OR5V1: variants seen among roughly 807,000 people sequenced by gnomAD.
OR5V1 encodes the protein olfactory receptor family 5 subfamily V member 1, also known as olfactory receptor 5V1.
For synonymous variants in OR5V1, 134 were observed against 143.2 expected (o/e 0.94, Z 0.46); for missense variants, 365 against 371.5 (o/e 0.98, Z 0.14).
intron 1 of OR5V1, 132 bp from the exon 2 acceptor site, chr6:29,356,409 T>A: frequency 2.0e-6 from 1 of 508,136 alleles, no homozygotes; most frequent in South Asian, 3.7e-5. Context: ...ATCCAATGTT[T>A]CACCTGCAGA....
chr6:29,365,820 T>C (rs867600636), intron 1 of OR5V1, among the ~76,000 whole-genome samples: 1 of 152,154 alleles, frequency 6.6e-6, no homozygotes, highest in South Asian at 2.1e-4. Context: ...ACCCAAAGGA[T>C]TATAAATCAT....
chr6:29,355,554 G>A lies in OR5V1; in HGVS notation c.642C>T (p.Ile214=), dbSNP rs1328131850. 5.0e-6 allele frequency: 8 copies of A among 1,613,862 alleles called. No homozygotes were observed. Among genetic ancestry groups the A allele is most frequent in the African/African-American group, 2.7e-5 (2 of 74,916 alleles). The change falls in exon 2 of 2, where the codon ATC becomes ATT. Residue 214 remains isoleucine, a synonymous_variant. Transcript: ENST00000641768. ...VFIGWTPFLC[I]VLSYICIIST... The stretch of plus-strand genomic sequence containing the variant: ...AGATTATGCAAATGTAGGAAAGTAC[G>A]ATACAAAGGAAAGGAGTCCAACCAA...
chr6:29,363,041 T>C (rs1778648416), intron 1 of OR5V1, among the ~76,000 whole-genome samples: 1 of 151,918 alleles, frequency 6.6e-6, no homozygotes, highest in Non-Finnish European at 1.5e-5. Context: ...ACAAAAGAGA[T>C]AGACTGCTAG....
intron 1 of OR5V1, among the ~76,000 whole-genome samples, chr6:29,366,292 C>G (rs1399057253): frequency 1.5e-5 from 2 of 133,724 alleles, no homozygotes; most frequent in Non-Finnish European, 3.1e-5. Flanking sequence ...GCACATTCTG[C>G]ATATGTATCC....
chr6:29,358,618 G>A (rs1778424926), intron 1 of OR5V1, among the ~76,000 whole-genome samples: 1 of 152,118 alleles, frequency 6.6e-6, no homozygotes, highest in Non-Finnish European at 1.5e-5. Flanking sequence ...ATACTATGCA[G>A]CCTTTAAAAA....
chr6:29,355,875 A>G lies in OR5V1; in HGVS notation c.321T>C (p.Phe107=), dbSNP rs374535679. The G allele has an allele frequency of 3.1e-5, 50 of 1,613,956 alleles. No individual in the cohort carries two copies. The African/African-American group carries it at 5.6e-4, about 18-fold the overall frequency. The change falls in exon 2 of 2, where the codon TTT becomes TTC. Residue 107 remains phenylalanine, a synonymous_variant. Coordinates refer to ENST00000641768, the MANE Select transcript of OR5V1 (RefSeq NM_030876.6). ...CCAGTAGGAGACACTCTGATCCTAC[A>G]AAGAAAACAAATGCAAAAAGTTGAA... ...CVVQLFAFVF[F]VGSECLLLAA...
chr6:29,355,454 CAA>C lies in OR5V1; in HGVS notation c.740_741del (p.Ile247SerfsTer25), dbSNP rs990157429. On this transcript the variant is annotated frameshift_variant, in exon 2 of 2. Transcript: ENST00000641768. LOFTEE classifies it low-confidence loss of function (END_TRUNC). ...ATGGCGCTGCCATAAAAGAGAAAGACAATGGCCAGGTGGGAGGCACATGTAGA... is the reference window on the plus strand; with the variant it reads ...ATGGCGCTGCCATAAAAGAGAAAGACTGGCCAGGTGGGAGGCACATGTAGA... ...AFSTCASHLA[I>X]VFLFYGSAIF... The C allele has an allele frequency of 5.6e-6, 9 of 1,613,892 alleles. No homozygotes were observed. Among genetic ancestry groups the C allele is most frequent in the Non-Finnish European group, 7.6e-6 (9 of 1,179,942 alleles).
chr6:29,363,510 A>C (rs1326631708), intron 1 of OR5V1, among the ~76,000 whole-genome samples: 1 of 152,204 alleles, frequency 6.6e-6, no homozygotes, highest in Admixed American at 6.5e-5. Context: ...AGAAAATTTC[A>C]GTCCAATATC....
intron 1 of OR5V1, among the ~76,000 whole-genome samples, chr6:29,359,547 C>G (rs1231818114): frequency 6.6e-6 from 1 of 152,178 alleles, no homozygotes; most frequent in South Asian, 2.1e-4. Context: ...AACAGCTCTG[C>G]TCTGCAGCTC....
chr6:29,367,352 A>G (rs1216824069), intron 1 of OR5V1, among the ~76,000 whole-genome samples: 1 of 152,168 alleles, frequency 6.6e-6, no homozygotes, highest in Non-Finnish European at 1.5e-5. Flanking sequence ...TTGTTTGTCC[A>G]TAATATCTTA....
chr6:29,355,220 C>T lies in OR5V1; in HGVS notation c.*10G>A, dbSNP rs1222299329. The T allele has an allele frequency of 1.3e-6, 2 of 1,559,404 alleles. No individual in the cohort carries two copies. The highest frequency in any genetic ancestry group is 2.2e-5 in the East Asian group (1 of 44,580). ...AATTTTGTAGTATAAGATTATTGAA[C>T]CTGTGAGGTTCAATAAGTGAGTTTA... On this transcript the variant is annotated 3_prime_UTR_variant, in exon 2 of 2. Coordinates refer to ENST00000641768, the MANE Select transcript of OR5V1 (RefSeq NM_030876.6).
At chr6:29,362,672 C>T (rs987386058) in intron 1 of OR5V1, among the ~76,000 whole-genome samples, 2 of 151,708 alleles carry the variant, frequency 1.3e-5, no homozygotes, top group African/African-American at 4.8e-5. Flanking sequence ...CTCACAATTA[C>T]ATTAACAACC....
Position 29,356,046 on chromosome 6 carries a change from C to T in OR5V1, c.150G>A (p.Val50=). Residue 50 remains valine (V), a synonymous_variant, in exon 2 of 2, where the codon GTG becomes GTA. Transcript: ENST00000641768. ...GGNILIILTT[V]TDPHLHTPMY... ...TAGGTGTATGCAGGTGTGGATCAGT[C>T]ACAGTCGTCAAGATAATTAATATAT... 6.2e-7 allele frequency: 1 copy of T among 1,613,942 alleles called. No individual in the cohort carries two copies. The highest frequency in any genetic ancestry group is 8.5e-7 in the Non-Finnish European group (1 of 1,179,914).
chr6:29,363,088 T>C (rs1273270491), intron 1 of OR5V1, among the ~76,000 whole-genome samples: 2 of 151,926 alleles, frequency 1.3e-5, no homozygotes, highest in Admixed American at 6.6e-5. Flanking sequence ...AAGAATCAAA[T>C]AGACACAATA....
At chr6:29,365,796 A>C (rs746688959) in intron 1 of OR5V1, among the ~76,000 whole-genome samples, 1 of 152,226 alleles carries the variant, frequency 6.6e-6, no homozygotes, top group Non-Finnish European at 1.5e-5. Flanking sequence ...CAGCAATCCC[A>C]TTACTGGGTA....
At chr6:29,364,776 C>T (rs1485454303) in intron 1 of OR5V1, among the ~76,000 whole-genome samples, 4 of 15,606 alleles carry the variant, frequency 2.6e-4, no homozygotes, top group African/African-American at 5.9e-4. Context: ...CCAGCCTGGG[C>T]GACAGAGCGA....
At chr6:29,357,113 A>G (rs1260537825) in intron 1 of OR5V1, among the ~76,000 whole-genome samples, 1 of 152,196 alleles carries the variant, frequency 6.6e-6, no homozygotes, top group Non-Finnish European at 1.5e-5. Context: ...TTAGAAACCT[A>G]TTGCTATAGA....
At chr6:29,366,267 C>T (rs1468797752) in intron 1 of OR5V1, among the ~76,000 whole-genome samples, 1 of 147,542 alleles carries the variant, frequency 6.8e-6, no homozygotes, top group Non-Finnish European at 1.5e-5. Flanking sequence ...ACATGTACAC[C>T]TATGTAACAA....
chr6:29,354,403 T>C lies in OR5V1; in HGVS notation c.*827A>G, dbSNP rs1024395459. ...ACTTTTACTTTTAACATTAGTAATT[T>C]CTACTTTTTTTTCTAAATTTAGTCA... On this transcript the variant is annotated 3_prime_UTR_variant, in exon 2 of 2. Coordinates refer to ENST00000641768, the MANE Select transcript of OR5V1 (RefSeq NM_030876.6). 1 of 152,098 alleles carries C rather than the reference T, an allele frequency of 6.6e-6. No individual in the cohort carries two copies. The highest frequency in any genetic ancestry group is 2.4e-5 in the African/African-American group (1 of 41,452). The allele number at this position is 152,098 out of a possible 1,614,324, so 9.4% of individuals were successfully genotyped here. A position where few individuals can be genotyped will look rare whatever the true frequency, so the allele number is the denominator to read the frequency against.
Sources: allele counts gnomAD v4.1 joint callset (sites outside exome capture counted in the v4.1 genomes callset), GRCh38; gene constraint gnomAD v4.1.1; transcripts MANE v1.5; gene names NCBI Gene and HGNC (gene_info 2026-07-23, HGNC 2026-07-21).